The following RORB variants were observed in gnomAD, a reference collection of about 807,000 sequenced individuals.
RORB encodes the protein nuclear receptor ROR-beta.
A neutral mutation model predicts 59.1 loss-of-function variants in RORB; 6 were observed. The ratio of observed to expected loss-of-function variants is 0.10; its 90% confidence interval spans 0.06 to 0.20. The LOEUF (loss-of-function observed/expected upper bound fraction) is 0.20. Ranked by LOEUF, RORB falls within the 10% of genes least tolerant of loss-of-function variation. RORB has a pLI of 1.00. For synonymous variants in RORB, 215 were observed against 204.5 expected, an observed-to-expected ratio of 1.05 and a Z score of -0.44; for missense variants, 320 against 560.5, an observed-to-expected ratio of 0.57 and a Z score of 4.33.
At chr9:74,644,674 T>C (rs1823867238) in intron 4 of RORB, among the ~76,000 whole-genome samples, 1 of 152,210 alleles carries the variant, frequency 6.6e-6, no homozygotes, top group Admixed American at 6.5e-5. Flanking sequence ...CACCTTCCTT[T>C]GCATTTATAC....
At chr9:74,679,776 G>T (rs1824513316) in intron 9 of RORB, among the ~76,000 whole-genome samples, 1 of 152,206 alleles carries the variant, frequency 6.6e-6, no homozygotes, top group African/African-American at 2.4e-5. Flanking sequence ...TAGAAGAAAG[G>T]TTTTGATATT....
At chr9:74,682,444 AG>A in intron 9 of RORB, among the ~76,000 whole-genome samples, 1 of 152,042 alleles carries the variant, frequency 6.6e-6, no homozygotes, top group Non-Finnish European at 1.5e-5. Context: ...AAAAAAAAAA[AG>A]AAAAAGAAAA....
At chr9:74,498,014 C>G (rs1302367887) in intron 1 of RORB, 31 bp downstream of exon 1, 2 of 1,605,622 alleles carry the variant, frequency 1.2e-6, no homozygotes, top group African/African-American at 1.3e-5. Context: ...CGAGGCTCCC[C>G]GAGTCCGGCC....
chr9:74,620,530 TG>T (rs1360344295), intron 1 of RORB, among the ~76,000 whole-genome samples: 4 of 152,198 alleles, frequency 2.6e-5, no homozygotes, highest in Non-Finnish European at 4.4e-5. Flanking sequence ...AGGGTTTTTT[TG>T]TGTCTCTATT....
Position 74,497,732 on chromosome 9 carries a change from AAAAC to A in RORB, c.-226_-223del, listed in dbSNP as rs541548218. ...GAACATTTTTTTTTCACCCTTCCTGAAAACAAACAAACAAACAAACAATCATCAA... is the reference window on the plus strand; with the variant it reads ...GAACATTTTTTTTTCACCCTTCCTGAAAACAAACAAACAAACAATCATCAA... On this transcript the variant is annotated 5_prime_UTR_variant, in exon 1 of 10. Transcript: ENST00000376896. 207 of 490,932 alleles carry A rather than the reference AAAAC, an allele frequency of 4.2e-4. No homozygotes were observed. Among genetic ancestry groups the A allele is most frequent in the South Asian group, 4.4e-4 (11 of 25,124 alleles). The allele number at this position is 490,932 out of a possible 1,614,324, so 30.4% of individuals were successfully genotyped here.
At chr9:74,563,914 G>A (rs992166212) in intron 1 of RORB, among the ~76,000 whole-genome samples, 1 of 152,194 alleles carries the variant, frequency 6.6e-6, no homozygotes, top group Non-Finnish European at 1.5e-5. Context: ...AGGCAGGAAA[G>A]ACCAGTGATG....
At chr9:74,620,921 A>G (rs1247378831) in intron 1 of RORB, among the ~76,000 whole-genome samples, 1 of 152,166 alleles carries the variant, frequency 6.6e-6, no homozygotes, top group Non-Finnish European at 1.5e-5. Flanking sequence ...GCTCCTCACT[A>G]TCTCCAGCAA....
At chr9:74,504,028 T>A (rs140854961) in intron 1 of RORB, among the ~76,000 whole-genome samples, 2 of 152,054 alleles carry the variant, frequency 1.3e-5, no homozygotes, top group Admixed American at 6.5e-5. Flanking sequence ...GTGATCATAA[T>A]GTGACAAAAT....
intron 1 of RORB, among the ~76,000 whole-genome samples, chr9:74,543,149 A>G (rs544591036): frequency 6.6e-6 from 1 of 152,152 alleles, no homozygotes; most frequent in South Asian, 2.1e-4. Context: ...AGGTACACTC[A>G]CACCACTCAA....
chr9:74,654,556 GTAAAGA>G (rs1335890392), intron 4 of RORB, among the ~76,000 whole-genome samples: 1 of 152,192 alleles, frequency 6.6e-6, no homozygotes, highest in East Asian at 1.9e-4. Flanking sequence ...CACATCAAAA[GTAAAGA>G]TTACCCTTAA....
chr9:74,628,278 T>C (rs890387945), intron 1 of RORB, among the ~76,000 whole-genome samples: 1 of 152,220 alleles, frequency 6.6e-6, no homozygotes, highest in East Asian at 1.9e-4. Flanking sequence ...CTCATAAGTA[T>C]TTTAGAGGTG....
intron 2 of RORB, among the ~76,000 whole-genome samples, chr9:74,634,359 C>T (rs1462580050): frequency 4.6e-5 from 7 of 152,162 alleles, no homozygotes; most frequent in Admixed American, 4.6e-4. Context: ...CTGCATAGAA[C>T]AGCACAGCTG....
chr9:74,557,818 CT>C (rs1186183277), intron 1 of RORB, among the ~76,000 whole-genome samples: 3 of 151,676 alleles, frequency 2.0e-5, no homozygotes, highest in East Asian at 1.9e-4. Flanking sequence ...TGTCTTGTTC[CT>C]TTTTTTTGGT....
intron 1 of RORB, among the ~76,000 whole-genome samples, chr9:74,525,282 A>G (rs1219315096): frequency 1.3e-5 from 2 of 151,894 alleles, no homozygotes; most frequent in Non-Finnish European, 2.9e-5. Context: ...TGGAGGTTAT[A>G]TTGATTTTTC....
At chr9:74,591,362 G>A (rs899290626) in intron 1 of RORB, among the ~76,000 whole-genome samples, 3 of 152,104 alleles carry the variant, frequency 2.0e-5, no homozygotes, top group Admixed American at 2.0e-4. Flanking sequence ...TATTCAGCAG[G>A]CAAAACATCA....
At chr9:74,604,412 T>A (rs3898243) in intron 1 of RORB, among the ~76,000 whole-genome samples, 69,131 of 152,088 alleles carry the variant, frequency 0.45, 16,238 homozygotes, top group East Asian at 0.77. Flanking sequence ...ATTTTTAGAT[T>A]CCCAGTATTA....
chr9:74,548,632 C>T (rs907549364), intron 1 of RORB, among the ~76,000 whole-genome samples: 6 of 152,212 alleles, frequency 3.9e-5, no homozygotes, highest in Admixed American at 2.6e-4. Context: ...TGGCTTCTTG[C>T]TCCCTAGAGT....
At chr9:74,542,326 A>G (rs77179115) in intron 1 of RORB, among the ~76,000 whole-genome samples, 113 of 152,338 alleles carry the variant, frequency 7.4e-4, no homozygotes, top group Middle Eastern at 3.4e-3. Flanking sequence ...AGCAGGAGAC[A>G]ATGAATAACA....
At chr9:74,640,713 C>A (rs566774764) in intron 3 of RORB, among the ~76,000 whole-genome samples, 6 of 152,160 alleles carry the variant, frequency 3.9e-5, no homozygotes, top group Non-Finnish European at 7.4e-5. Flanking sequence ...CAAGTGAATG[C>A]GACACTTGCA....
Sources: gnomAD v4.1 joint callset for allele counts (sites outside exome capture counted in the v4.1 genomes callset) on GRCh38, gnomAD v4.1.1 for gene constraint, MANE v1.5 for transcripts, NCBI Gene and HGNC (gene_info 2026-07-23, HGNC 2026-07-21) for gene names.